DHX36: variants seen among roughly 807,000 people sequenced by gnomAD.
DHX36 encodes the protein ATP-dependent DNA/RNA helicase DHX36.
A neutral mutation model predicts 139.0 loss-of-function variants in DHX36; 50 were observed. The observed-to-expected ratio is 0.36, with a 90% CI of 0.29 to 0.46. The LOEUF (loss-of-function observed/expected upper bound fraction) is 0.46. Ranked by LOEUF, DHX36 falls within the 20% of genes least tolerant of loss-of-function variation. DHX36 has a pLI of 1.00. For synonymous variants in DHX36, 425 were observed against 401.9 expected, an observed-to-expected ratio of 1.06 and a Z score of -0.69; for missense variants, 1,024 against 1,211.3, an observed-to-expected ratio of 0.85 and a Z score of 2.29.
chr3:154,310,864 T>C (rs1211315234), intron 4 of DHX36, among the ~76,000 whole-genome samples: 2 of 117,024 alleles, frequency 1.7e-5, no homozygotes, highest in East Asian at 5.5e-4. Flanking sequence ...TATATACATA[T>C]ATATATATTC....
At position 154,309,811 on chromosome 3, in the gene DHX36, A is replaced by C; in HGVS notation, c.655T>G (p.Leu219Val). The C allele has an allele frequency of 3.1e-6, 5 of 1,596,752 alleles. No individual in the cohort carries two copies. Among genetic ancestry groups the C allele is most frequent in the Non-Finnish European group, 4.3e-6 (5 of 1,172,898 alleles). Residue 219 changes from leucine to valine, a missense_variant, in exon 5 of 25, where the codon TTA becomes GTA. By Grantham distance (32) the Leu-to-Val change is conservative. Around this residue, in one of 4 missense-constraint regions of DHX36, gnomAD observed 293 missense variants for 274.4 expected, o/e 1.07. Transcript: ENST00000496811. Reference protein sequence around the residue: ...SYGMQKELVNLIDNHQVTVIS... With the variant: ...SYGMQKELVNVIDNHQVTVIS... ...ACTGTTACCTGATGGTTATCAATTA[A>C]ATTTACCAATTCCTATTTCAAAAGG...
rs917090818 is a variant in DHX36, at chr3:154,309,688, C to T, written c.778G>A (p.Val260Ile). The T allele has an allele frequency of 6.2e-7, 1 of 1,611,558 alleles. No individual in the cohort carries two copies. Among genetic ancestry groups the T allele is most frequent in the Non-Finnish European group, 8.5e-7 (1 of 1,179,264 alleles). ...ERGKGSACRI[V>I]CTQPRRISAI... The stretch of plus-strand genomic sequence containing the variant: ...CTAATTCTTCTTGGCTGAGTACAAA[C>T]TATTCTGCAAGCAGATCCTTTTCCT... The change falls in exon 5 of 25, where the codon GTT becomes ATT. Residue 260 changes from valine to isoleucine, a missense_variant. By Grantham distance (29) the Val-to-Ile change is conservative (BLOSUM62 3). Coordinates refer to ENST00000496811, the MANE Select transcript of DHX36 (RefSeq NM_020865.3).
chr3:154,291,246 A>T (rs889088880), intron 15 of DHX36, among the ~76,000 whole-genome samples: 2 of 151,192 alleles, frequency 1.3e-5, no homozygotes, highest in African/African-American at 2.4e-5. Flanking sequence ...TTATCCATGG[A>T]GCCTACAAAA....
At position 154,292,661 on chromosome 3, in the gene DHX36, A is replaced by G. The variant is rs1711868244; in HGVS notation, c.1704T>C (p.Asp568=). ...AATGCGTCTCTTTTATTTTTCCTCC[A>G]TCTATCACATAAACGACATCATCTA... The part of the protein sequence containing the change: ...ITIDDVVYVI[D]GGKIKETHFD... Residue 568 remains aspartate (D), a synonymous_variant, in exon 15 of 25, where the codon GAT becomes GAC. Coordinates refer to ENST00000496811, the MANE Select transcript of DHX36 (RefSeq NM_020865.3). 2 of 1,613,570 alleles carry G rather than the reference A, an allele frequency of 1.2e-6. No individual in the cohort carries two copies. Among genetic ancestry groups the G allele is most frequent in the Middle Eastern group, 3.3e-4 (2 of 6,058 alleles).
chr3:154,321,085 GAGA>G (rs1195479809), intron 1 of DHX36, among the ~76,000 whole-genome samples: 1 of 152,158 alleles, frequency 6.6e-6, no homozygotes, highest in African/African-American at 2.4e-5. Context: ...AAAGAGAACA[GAGA>G]AGTTCAAAAG....
chr3:154,292,812 A>AT (rs569137281), intron 14 of DHX36, 118 bp from the exon 15 acceptor site: 4,281 of 1,293,284 alleles, frequency 3.3e-3, no homozygotes, highest in South Asian at 4.3e-3. Context: ...ATTTCAGAGC[A>AT]TTTTTTTTTT....
intron 17 of DHX36, among the ~76,000 whole-genome samples, chr3:154,285,317 A>G (rs1250702525): frequency 3.3e-5 from 5 of 152,232 alleles, no homozygotes; most frequent in African/African-American, 4.8e-5. Context: ...AAGATACACT[A>G]TTATACATCT....
intron 1 of DHX36, 116 bp downstream of exon 1, chr3:154,324,058 T>C (rs1386102859): frequency 1.6e-6 from 2 of 1,218,394 alleles, no homozygotes; most frequent in Non-Finnish European, 1.2e-6. Context: ...GCGCCTCATT[T>C]ACATTTCACA....
intron 13 of DHX36, 70 bp from the exon 14 acceptor site, chr3:154,293,882 G>T: frequency 8.9e-7 from 1 of 1,119,582 alleles, no homozygotes; most frequent in Non-Finnish European, 1.4e-6. Context: ...GTAATTAGAG[G>T]AATTACCTCA....
At position 154,289,822 on chromosome 3, in the gene DHX36, G is replaced by T; in HGVS notation, c.1819C>A (p.Gln607Lys). Residue 607 changes from glutamine to lysine, a missense_variant, in exon 16 of 25, where the codon CAA (glutamine) becomes AAA (lysine). By Grantham distance (53) the Gln-to-Lys change is moderately conservative. Around this residue, in one of 4 missense-constraint regions of DHX36, gnomAD observed 470 missense variants for 616.2 expected, o/e 0.76. Coordinates refer to ENST00000496811, the MANE Select transcript of DHX36 (RefSeq NM_020865.3). ...TACAGATGATAGCAATGACCAGGTT[G>T]AACTCTTAAAAAAAAAACAAAACAA... is the stretch of plus-strand genomic sequence containing the variant. ...KQRKGRAGRV[Q>K]PGHCYHLYNG... 1 of 1,556,816 alleles carries T rather than the reference G, an allele frequency of 6.4e-7. No individual in the cohort carries two copies. Among genetic ancestry groups the T allele is most frequent in the Non-Finnish European group, 8.7e-7 (1 of 1,146,050 alleles).
intron 10 of DHX36, 140 bp downstream of exon 10, chr3:154,300,847 A>C: frequency 7.4e-7 from 1 of 1,344,534 alleles, no homozygotes. Context: ...TAAAAGTCAA[A>C]TCAGCACAAT....
intron 15 of DHX36, 110 bp from the exon 16 acceptor site, chr3:154,289,936 A>C: frequency 1.6e-6 from 1 of 622,752 alleles, no homozygotes; most frequent in Middle Eastern, 3.0e-4. Context: ...AATTTCTTAC[A>C]TGCCACATAA....
intron 22 of DHX36, among the ~76,000 whole-genome samples, chr3:154,278,132 T>C (rs917382660): frequency 3.3e-5 from 5 of 152,066 alleles, no homozygotes; most frequent in African/African-American, 4.8e-5. Flanking sequence ...ACTATGACAA[T>C]CATAATACTG....
intron 2 of DHX36, 108 bp downstream of exon 2, chr3:154,315,931 A>T: frequency 7.6e-7 from 1 of 1,324,310 alleles, no homozygotes; most frequent in South Asian, 1.5e-5. Context: ...ATAAGGAAAA[A>T]AAGTACGTAA....
At chr3:154,280,395 G>A in intron 22 of DHX36, 184 bp downstream of exon 22, 2 of 545,930 alleles carry the variant, frequency 3.7e-6, no homozygotes, top group Non-Finnish European at 3.2e-6. Flanking sequence ...ATTCCAGGAT[G>A]TGTTGTGAGG....
intron 17 of DHX36, among the ~76,000 whole-genome samples, chr3:154,288,048 T>A (rs1333927254): frequency 1.3e-5 from 2 of 150,328 alleles, no homozygotes; most frequent in African/African-American, 2.5e-5. Context: ...CTACCCAACT[T>A]GATCATACAT....
chr3:154,324,136 T>C (rs1168777153), intron 1 of DHX36, 38 bp downstream of exon 1: 1 of 1,568,474 alleles, frequency 6.4e-7, no homozygotes, highest in South Asian at 1.2e-5. Flanking sequence ...AGAAAACCTG[T>C]GCTGCCTCAT....
intron 1 of DHX36, among the ~76,000 whole-genome samples, chr3:154,319,534 G>T (rs948670952): frequency 6.6e-5 from 10 of 152,030 alleles, no homozygotes; most frequent in African/African-American, 2.4e-4. Flanking sequence ...TTTCTTTCTT[G>T]TTATAAAAGA....
At chr3:154,303,584 T>C (rs1011672116) in intron 8 of DHX36, among the ~76,000 whole-genome samples, 174 bp from the exon 9 acceptor site, 1 of 152,200 alleles carries the variant, frequency 6.6e-6, no homozygotes. Context: ...AACAGCAGTC[T>C]AGTCTTCACT....
Sources: gnomAD v4.1 joint callset for allele counts (sites outside exome capture counted in the v4.1 genomes callset) on GRCh38, gnomAD v4.1.1 for gene constraint, gnomAD v4.1.1 regional missense constraint, MANE v1.5 for transcripts, NCBI Gene and HGNC (gene_info 2026-07-23, HGNC 2026-07-21) for gene names.